Variants in GLMN observed in about 807,000 individuals in gnomAD.
GLMN encodes glomulin.
GLMN carries 75 observed loss-of-function variants against 87.8 expected under a neutral mutation model. The ratio of observed to expected loss-of-function variants is 0.85; its 90% confidence interval spans 0.71 to 1.04. The LOEUF (loss-of-function observed/expected upper bound fraction) is 1.04, where lower values mean the gene tolerates loss of function less well. Ranked by LOEUF, GLMN falls within the 50% of genes least tolerant of loss-of-function variation. The probability of loss-of-function intolerance (pLI) is 0.00; values close to 1 mark genes in which losing one functional copy is unlikely to be tolerated. For missense variants in GLMN, 588 were observed against 658.8 expected (o/e 0.89, Z 1.18); for synonymous variants, 206 against 221.6 (o/e 0.93, Z 0.63).
intron 17 of GLMN, among the ~76,000 whole-genome samples, 165 bp downstream of exon 17, chr1:92,247,713 A>T (rs1389176861): frequency 6.6e-6 from 1 of 152,184 alleles, no homozygotes; most frequent in Non-Finnish European, 1.5e-5. Flanking sequence ...TTTTAGGTAA[A>T]TTAGCTTATA....
chr1:92,335,083 T>C, the GLMN span, among the ~76,000 whole-genome samples: 3 of 152,210 alleles, frequency 2.0e-5, no homozygotes, highest in African/African-American at 7.2e-5. Flanking sequence ...AGTTTGAGTC[T>C]GCAGTGAGCT....
the GLMN span, chr1:92,307,153 T>C: frequency 7.0e-7 from 1 of 1,436,760 alleles, no homozygotes; most frequent in Non-Finnish European, 9.7e-7. Context: ...TGTTTCATGA[T>C]AAGAAAAAAA....
chr1:92,279,350 G>C (rs113396522), intron 7 of GLMN, among the ~76,000 whole-genome samples: 2,016 of 151,758 alleles, frequency 0.013, 45 homozygotes, highest in African/African-American at 0.047. Context: ...CCAGCTACTT[G>C]GGAGGCTGAG....
chr1:92,357,056 ACT>A, the GLMN span, among the ~76,000 whole-genome samples: 1 of 149,166 alleles, frequency 6.7e-6, no homozygotes, highest in Non-Finnish European at 1.5e-5. Context: ...ACAGAGCAAG[ACT>A]CTGTCTCAAA....
the GLMN span, among the ~76,000 whole-genome samples, chr1:92,347,661 A>G: frequency 6.6e-6 from 1 of 152,232 alleles, no homozygotes; most frequent in Non-Finnish European, 1.5e-5. Flanking sequence ...AAAATTTCAT[A>G]TGATTATTCT....
upstream of GLMN, among the ~76,000 whole-genome samples, chr1:92,302,484 ATAT>A (rs1394652562): frequency 6.6e-6 from 1 of 151,750 alleles, no homozygotes; most frequent in African/African-American, 2.4e-5. Context: ...TAACAGAAGA[ATAT>A]TATTTTTGTC....
the GLMN span, among the ~76,000 whole-genome samples, chr1:92,367,807 G>A: frequency 6.6e-6 from 1 of 152,190 alleles, no homozygotes; most frequent in Non-Finnish European, 1.5e-5. Context: ...GAAAGATTAT[G>A]TGGAGTATGA....
At chr1:92,357,627 G>A in the GLMN span, among the ~76,000 whole-genome samples, 1 of 152,180 alleles carries the variant, frequency 6.6e-6, no homozygotes, top group South Asian at 2.1e-4. Flanking sequence ...TGCTTCCCAG[G>A]TTCAAGTGAT....
intron 3 of GLMN, among the ~76,000 whole-genome samples, chr1:92,292,130 T>C (rs529528454): frequency 6.6e-6 from 1 of 152,314 alleles, no homozygotes; most frequent in South Asian, 2.1e-4. Flanking sequence ...GTATTCCACT[T>C]CTCTGGCCTG....
rs1345512322 is a variant in GLMN at position 92,279,320 on chromosome 1, G to T, written c.735+7170C>A. The stretch of plus-strand genomic sequence containing the variant: ...AAAATACAAAAAATTAGCCAGGTGT[G>T]GTGGCGGGTGCCTGTAATCCCAGCT... On this transcript the variant is annotated intron_variant, in intron 7 of 18. Coordinates refer to ENST00000370360, the MANE Select transcript of GLMN (RefSeq NM_053274.3). Among the ~76,000 whole-genome samples, 3 of 151,946 alleles carry T rather than the reference G, an allele frequency of 2.0e-5. No homozygotes were observed. In the East Asian group the frequency reaches 5.8e-4, roughly 29 times the overall value.
the GLMN span, among the ~76,000 whole-genome samples, chr1:92,312,332 A>G: frequency 2.6e-5 from 4 of 151,960 alleles, no homozygotes; most frequent in African/African-American, 9.7e-5. Context: ...AGACTAGAAG[A>G]TCACTTGAGC....
At chr1:92,249,196 T>G (rs1557501272) in intron 16 of GLMN, among the ~76,000 whole-genome samples, 1 of 151,788 alleles carries the variant, frequency 6.6e-6, no homozygotes, top group East Asian at 1.9e-4. Flanking sequence ...AGAAAAAATG[T>G]ACAGACGTAT....
chr1:92,307,078 T>C, the GLMN span: 1 of 724,360 alleles, frequency 1.4e-6, no homozygotes, highest in South Asian at 2.1e-5. Context: ...GGTAGATCTG[T>C]AGGTTTCCAT....
At chr1:92,348,572 C>T in the GLMN span, among the ~76,000 whole-genome samples, 2 of 152,174 alleles carry the variant, frequency 1.3e-5, no homozygotes, top group African/African-American at 4.8e-5. Flanking sequence ...ACTTCTGTCT[C>T]CTGCCCCATA....
chr1:92,336,393 T>G, the GLMN span: 1 of 1,610,442 alleles, frequency 6.2e-7, no homozygotes, highest in Non-Finnish European at 8.5e-7. Flanking sequence ...GGGAGATATT[T>G]ACACACAACT....
chr1:92,279,194 G>A (rs941399021), intron 7 of GLMN, among the ~76,000 whole-genome samples: 10 of 152,142 alleles, frequency 6.6e-5, no homozygotes, highest in African/African-American at 2.2e-4. Context: ...AGTGGCTCAC[G>A]CCTGTAATCC....
Position 92,291,531 on chromosome 1 carries a change from T to G in GLMN, c.172A>C (p.Ile58Leu), listed in dbSNP as rs1216019451. ...ACGAGATTCCAGCCCATATTCTTGA[T>G]GATGACCTGTAAAAACATTTTCAGA... is the stretch of plus-strand genomic sequence containing the variant. ...IIQNEKNKVI[I>L]KNMGWNLVGP... is the part of the protein sequence containing the mutation. The change falls in exon 4 of 19, where the codon ATC (isoleucine) becomes CTC (leucine). Residue 58 changes from isoleucine (I) to leucine (L), a missense_variant. Transcript: ENST00000370360. 6.2e-7 allele frequency: 1 copy of G among 1,613,748 alleles called. No homozygotes were observed. Among genetic ancestry groups the G allele is most frequent in the Admixed American group, 1.7e-5 (1 of 60,012 alleles).
chr1:92,252,120 G>C (rs1653598404), intron 16 of GLMN, among the ~76,000 whole-genome samples: 1 of 152,136 alleles, frequency 6.6e-6, no homozygotes, highest in African/African-American at 2.4e-5. Flanking sequence ...ATACAATTAA[G>C]CTTCACTAAT....
chr1:92,304,201 A>G, the GLMN span: 6 of 1,120,292 alleles, frequency 5.4e-6, no homozygotes, highest in Admixed American at 3.9e-5. Context: ...CAATGATATG[A>G]TATGTAGATG....
Sources: gnomAD v4.1 joint callset for allele counts (sites outside exome capture counted in the v4.1 genomes callset) on GRCh38, gnomAD v4.1.1 for gene constraint, MANE v1.5 for transcripts, NCBI Gene and HGNC (gene_info 2026-07-23, HGNC 2026-07-21) for gene names.